Variants in RNGTT observed in about 807,000 individuals in gnomAD.
The protein encoded by RNGTT is RNA guanylyltransferase and 5'-phosphatase.
RNGTT carries 33 observed loss-of-function variants against 79.3 expected under a neutral mutation model. The observed-to-expected ratio is 0.42, with a 90% confidence interval of 0.32 to 0.56. The LOEUF (loss-of-function observed/expected upper bound fraction) is 0.56. Among genes scored for constraint, RNGTT ranks in the 20% least tolerant of loss-of-function variants. The pLI is 0.17. For synonymous variants in RNGTT, 222 were observed against 235.9 expected, an observed-to-expected ratio of 0.94 and a Z score of 0.54; for missense variants, 497 against 739.1, an observed-to-expected ratio of 0.67 and a Z score of 3.80.
intron 14 of RNGTT, among the ~76,000 whole-genome samples, chr6:88,677,249 T>C (rs1217463240): frequency 1.3e-5 from 1 of 76,420 alleles, no homozygotes; most frequent in Non-Finnish European, 2.7e-5. Context: ...TAATCTATAA[T>C]AACAAAAATC....
At chr6:88,694,622 C>A (rs1775594850) in intron 13 of RNGTT, among the ~76,000 whole-genome samples, 1 of 151,820 alleles carries the variant, frequency 6.6e-6, no homozygotes, top group Non-Finnish European at 1.5e-5. Flanking sequence ...CTACAAAAAA[C>A]CCTGAATAGC....
chr6:88,898,341 T>G (rs1783322949), intron 6 of RNGTT, among the ~76,000 whole-genome samples: 1 of 152,180 alleles, frequency 6.6e-6, no homozygotes, highest in African/African-American at 2.4e-5. Flanking sequence ...TTTCTCATAT[T>G]TTACATTTCT....
chr6:88,724,855 T>A (rs1284353817), intron 13 of RNGTT, among the ~76,000 whole-genome samples: 2 of 152,120 alleles, frequency 1.3e-5, no homozygotes, highest in Admixed American at 6.5e-5. Flanking sequence ...AAACCACTCA[T>A]CCTGTCACTC....
chr6:88,758,176 A>G (rs570499665), intron 13 of RNGTT, among the ~76,000 whole-genome samples: 2 of 152,196 alleles, frequency 1.3e-5, no homozygotes, highest in South Asian at 4.1e-4. Flanking sequence ...AGAGAGAAAA[A>G]CAAAAAGCCC....
intron 13 of RNGTT, among the ~76,000 whole-genome samples, chr6:88,752,358 T>C (rs1777868105): frequency 6.6e-6 from 1 of 152,096 alleles, no homozygotes; most frequent in Non-Finnish European, 1.5e-5. Context: ...AGCTCAAATC[T>C]TTCCTTCTTT....
chr6:88,755,352 AAATTTAGATCCAAAC>A (rs1455942505), intron 13 of RNGTT, among the ~76,000 whole-genome samples: 25 of 152,330 alleles, frequency 1.6e-4, no homozygotes, highest in African/African-American at 4.6e-4. Context: ...AACCCAATTT[AAATTTAGATCCAAAC>A]AATTTAGATC....
At chr6:88,756,355 C>T (rs899655053) in intron 13 of RNGTT, among the ~76,000 whole-genome samples, 32 of 152,042 alleles carry the variant, frequency 2.1e-4, no homozygotes, top group Non-Finnish European at 2.5e-4. Flanking sequence ...CGCCTGTAAT[C>T]CCAGCTACTC....
intron 1 of RNGTT, among the ~76,000 whole-genome samples, chr6:88,959,851 C>T (rs1785558821): frequency 6.6e-6 from 1 of 152,164 alleles, no homozygotes; most frequent in African/African-American, 2.4e-5. Flanking sequence ...GGCTATTCTC[C>T]AACCTCTTAA....
chr6:88,779,471 C>T (rs35708457), intron 12 of RNGTT, among the ~76,000 whole-genome samples: 25,774 of 151,982 alleles, frequency 0.17, 2,436 homozygotes, highest in Middle Eastern at 0.27. Context: ...ATTTATATAA[C>T]AGATATTAAA....
intron 4 of RNGTT, among the ~76,000 whole-genome samples, chr6:88,924,158 T>C (rs1784248070): frequency 6.6e-6 from 1 of 152,228 alleles, no homozygotes; most frequent in Admixed American, 6.5e-5. Context: ...GCAAGGGCCT[T>C]GTTCAACCCA....
In RNGTT at chr6:88,963,443, C is replaced by G; in HGVS notation, c.-34G>C. 1 of 1,522,040 alleles carries G rather than the reference C, an allele frequency of 6.6e-7. No homozygotes were observed. Among genetic ancestry groups the G allele is most frequent in the Non-Finnish European group, 8.8e-7 (1 of 1,130,838 alleles). The allele number at this position is 1,522,040 out of a possible 1,614,324, so 94.3% of individuals were successfully genotyped here. The stretch of plus-strand genomic sequence containing the variant: ...GCTGCGCAGAGCTGCCCTCCCTCAC[C>G]AACGTTCACCGCGCCTTTGGAGCCG... On this transcript the variant is annotated 5_prime_UTR_variant, in exon 1 of 16. Coordinates refer to ENST00000369485, the MANE Select transcript of RNGTT (RefSeq NM_003800.5).
chr6:88,768,625 A>G (rs1184840039), intron 13 of RNGTT, among the ~76,000 whole-genome samples: 1 of 152,216 alleles, frequency 6.6e-6, no homozygotes, highest in East Asian at 1.9e-4. Context: ...TTGATAAGTA[A>G]AAATTTCACA....
At chr6:88,893,312 T>A (rs935657092) in intron 6 of RNGTT, among the ~76,000 whole-genome samples, 1 of 152,106 alleles carries the variant, frequency 6.6e-6, no homozygotes, top group African/African-American at 2.4e-5. Flanking sequence ...CAGCATGAGA[T>A]GTTCTTTTTA....
At chr6:88,925,347 T>C (rs1784285504) in intron 4 of RNGTT, among the ~76,000 whole-genome samples, 1 of 152,040 alleles carries the variant, frequency 6.6e-6, no homozygotes, top group African/African-American at 2.4e-5. Flanking sequence ...TCCCAGCACT[T>C]TGGGAGGCCA....
At chr6:88,834,852 A>AATAT (rs1562276915) in intron 11 of RNGTT, among the ~76,000 whole-genome samples, 1 of 71,842 alleles carries the variant, frequency 1.4e-5, no homozygotes, top group Non-Finnish European at 2.7e-5. Flanking sequence ...TGCCAAATGA[A>AATAT]ATACATAAAC....
At chr6:88,689,545 G>T (rs1047910587) in intron 13 of RNGTT, among the ~76,000 whole-genome samples, 7 of 148,968 alleles carry the variant, frequency 4.7e-5, no homozygotes, top group Admixed American at 1.3e-4. Context: ...AGTGAGCCGA[G>T]ATCGCGCCAT....
At chr6:88,866,406 C>T (rs1782166362) in intron 8 of RNGTT, among the ~76,000 whole-genome samples, 1 of 152,096 alleles carries the variant, frequency 6.6e-6, no homozygotes. Flanking sequence ...AAAAAGTATT[C>T]ATACAGGCAC....
Position 88,658,621 on chromosome 6 carries a change from G to C in RNGTT, c.1506+19732C>G, listed in dbSNP as rs184081092. On this transcript the variant is annotated intron_variant, in intron 14 of 15. Coordinates refer to ENST00000369485, the MANE Select transcript of RNGTT (RefSeq NM_003800.5). ...AAGTATTGTTCCTGGGTGTATCTGTGAAGGTGTTGCCAAAGGACATTAACA... is the reference window on the plus strand; with the variant it reads ...AAGTATTGTTCCTGGGTGTATCTGTCAAGGTGTTGCCAAAGGACATTAACA... Among the ~76,000 whole-genome samples, 286 of 152,344 alleles carry C rather than the reference G, an allele frequency of 1.9e-3. 3 individuals are homozygous for C. Among genetic ancestry groups the C allele is most frequent in the African/African-American group, 6.7e-3 (280 of 41,566 alleles).
chr6:88,776,418 C>T (rs1165357853), intron 12 of RNGTT, among the ~76,000 whole-genome samples: 6 of 151,448 alleles, frequency 4.0e-5, no homozygotes, highest in Non-Finnish European at 1.5e-5. Flanking sequence ...CTCCCAGGTT[C>T]AAGTGATTCT....
Sources: allele counts gnomAD v4.1 joint callset (sites outside exome capture counted in the v4.1 genomes callset), GRCh38; gene constraint gnomAD v4.1.1; transcripts MANE v1.5; gene names NCBI Gene and HGNC (gene_info 2026-07-23, HGNC 2026-07-21).